ACMSD: variants seen among roughly 807,000 people sequenced by gnomAD.
ACMSD encodes the protein aminocarboxymuconate semialdehyde decarboxylase.
In ACMSD, 37 loss-of-function variants were observed where a neutral mutation model predicts 45.9. The ratio of observed to expected loss-of-function variants is 0.81; its 90% CI spans 0.62 to 1.06. The LOEUF is 1.06. Ranked by LOEUF, ACMSD falls within the 50% of genes least tolerant of loss-of-function variation. The probability of loss-of-function intolerance (pLI) is 0.00; values close to 1 mark genes in which losing one functional copy is unlikely to be tolerated. For synonymous variants in ACMSD, 138 were observed against 148.8 expected (o/e 0.93, Z 0.53); for missense variants, 434 against 420.9 (o/e 1.03, Z -0.27).
At chr2:134,853,525 A>G (rs1328149145) in intron 2 of ACMSD, among the ~76,000 whole-genome samples, 1 of 152,144 alleles carries the variant, frequency 6.6e-6, no homozygotes, top group African/African-American at 2.4e-5. Context: ...TTATTAGTTT[A>G]GTTTAAGATC....
intron 2 of ACMSD, among the ~76,000 whole-genome samples, chr2:134,849,763 G>A (rs4954189): frequency 0.59 from 89,606 of 152,044 alleles, 28,184 homozygotes; most frequent in Middle Eastern, 0.91. Flanking sequence ...TTATAAAAGT[G>A]TAAGTAGCAG....
At chr2:134,869,405 G>A (rs1337077377) in intron 6 of ACMSD, among the ~76,000 whole-genome samples, 2 of 151,932 alleles carry the variant, frequency 1.3e-5, no homozygotes, top group Admixed American at 1.3e-4. Flanking sequence ...TAGAGACAGG[G>A]TTTCACCATG....
intron 8 of ACMSD, among the ~76,000 whole-genome samples, chr2:134,878,978 C>T (rs1011529743): frequency 1.3e-5 from 2 of 152,158 alleles, no homozygotes; most frequent in African/African-American, 4.8e-5. Context: ...TTTTGTTTGA[C>T]TGAATGGCTT....
intron 2 of ACMSD, among the ~76,000 whole-genome samples, chr2:134,851,627 G>C (rs991437732): frequency 7.2e-5 from 11 of 152,164 alleles, no homozygotes; most frequent in African/African-American, 2.7e-4. Context: ...ATTTTTAGTA[G>C]AGACGGGGTT....
intron 9 of ACMSD, among the ~76,000 whole-genome samples, chr2:134,899,645 T>A (rs1204728406): frequency 6.6e-6 from 1 of 152,106 alleles, no homozygotes; most frequent in Non-Finnish European, 1.5e-5. Flanking sequence ...CACTTTCAAG[T>A]TTTTTCTGTA....
At chr2:134,850,081 C>T (rs1687262924) in intron 2 of ACMSD, among the ~76,000 whole-genome samples, 1 of 150,960 alleles carries the variant, frequency 6.6e-6, no homozygotes. Context: ...GTATTTGTAT[C>T]CCCCGCCCCC....
At chr2:134,878,541 G>A (rs1688872740) in intron 8 of ACMSD, among the ~76,000 whole-genome samples, 1 of 152,076 alleles carries the variant, frequency 6.6e-6, no homozygotes, top group South Asian at 2.1e-4. Context: ...TGCCCAGGCT[G>A]GTCTCGACCT....
At chr2:134,867,829 CTA>C (rs139257942) in intron 6 of ACMSD, 157 bp downstream of exon 6, 16,271 of 429,652 alleles carry the variant, frequency 0.038, no homozygotes, top group Middle Eastern at 0.051. Context: ...TGGATTAATG[CTA>C]TATATATATA....
chr2:134,845,610 A>G (rs1243965548), intron 2 of ACMSD, among the ~76,000 whole-genome samples: 1 of 145,376 alleles, frequency 6.9e-6, no homozygotes, highest in Non-Finnish European at 1.5e-5. Flanking sequence ...GCCTGGAGGA[A>G]GTGACCTAGT....
At chr2:134,901,258 T>C (rs980550423) in intron 9 of ACMSD, among the ~76,000 whole-genome samples, 4 of 152,220 alleles carry the variant, frequency 2.6e-5, no homozygotes, top group African/African-American at 4.8e-5. Context: ...ATATAGTTTA[T>C]AGCTGGGGAG....
In ACMSD at chr2:134,890,229, A is replaced by G. The variant is rs535433245; in HGVS notation, c.850-8112A>G. 1.2e-4 allele frequency among the ~76,000 whole-genome samples: 19 copies of G among 152,232 alleles called. No homozygotes were observed. The South Asian group carries it at 3.9e-3, about 32-fold the overall frequency. ...CAATACTAAGACAAACCGACATGAT[A>G]TGCCCTGATATAATGCACTGAATAA... is the stretch of plus-strand genomic sequence containing the variant. On this transcript the variant is annotated intron_variant, in intron 8 of 9. Transcript: ENST00000356140.
chr2:134,883,559 T>G (rs534291427), intron 8 of ACMSD, among the ~76,000 whole-genome samples: 29 of 152,300 alleles, frequency 1.9e-4, no homozygotes, highest in Admixed American at 1.8e-3. Context: ...TGGGGTACAA[T>G]GGTGCGATCA....
chr2:134,840,691 A>G (rs1439972877), intron 1 of ACMSD, among the ~76,000 whole-genome samples: 1 of 152,164 alleles, frequency 6.6e-6, no homozygotes, highest in Non-Finnish European at 1.5e-5. Context: ...TTCTATCACC[A>G]GCTATTGCTT....
rs188722746 is a variant in ACMSD, at chr2:134,851,631, C to T, written c.102+6354C>T. Among the ~76,000 whole-genome samples the T allele has an allele frequency of 1.7e-3, 256 of 152,170 alleles. 1 individual carries two copies. Among genetic ancestry groups the T allele is most frequent in the Middle Eastern group, 3.4e-3 (1 of 294 alleles). The stretch of plus-strand genomic sequence containing the variant: ...CTAATTTTTGTATTTTTAGTAGAGA[C>T]GGGGTTTCACCATGTTGGCCAGAAT... On this transcript the variant is annotated intron_variant, in intron 2 of 9. Transcript: ENST00000356140.
At chr2:134,869,361 C>G (rs1002344120) in intron 6 of ACMSD, among the ~76,000 whole-genome samples, 1 of 152,014 alleles carries the variant, frequency 6.6e-6, no homozygotes, top group Non-Finnish European at 1.5e-5. Context: ...TACAAGTGCA[C>G]GCCACCACGC....
chr2:134,874,220 C>T (rs1253077025), intron 8 of ACMSD, among the ~76,000 whole-genome samples: 1 of 152,158 alleles, frequency 6.6e-6, no homozygotes, highest in Non-Finnish European at 1.5e-5. Flanking sequence ...TCAGCAGGTA[C>T]TTTACAAACT....
intron 2 of ACMSD, among the ~76,000 whole-genome samples, chr2:134,858,507 G>C (rs1687688290): frequency 6.6e-6 from 1 of 152,058 alleles, no homozygotes; most frequent in South Asian, 2.1e-4. Context: ...TAAAAGAATA[G>C]ATTTTAAGTG....
chr2:134,858,571 G>C (rs1024042839), intron 2 of ACMSD, among the ~76,000 whole-genome samples: 1 of 152,198 alleles, frequency 6.6e-6, no homozygotes, highest in Admixed American at 6.5e-5. Flanking sequence ...TAATTAGCTT[G>C]ATTTAGCCAT....
At chr2:134,859,717 G>T (rs898099937) in intron 3 of ACMSD, 2 of 164,002 alleles carry the variant, frequency 1.2e-5, no homozygotes, top group African/African-American at 4.8e-5. Context: ...ACAATTGCCT[G>T]CTTAATAACA....
Sources: allele counts gnomAD v4.1 joint callset (sites outside exome capture counted in the v4.1 genomes callset), GRCh38; gene constraint gnomAD v4.1.1; transcripts MANE v1.5; gene names NCBI Gene and HGNC (gene_info 2026-07-23, HGNC 2026-07-21).